Variants in PYHIN1 observed in about 807,000 individuals in gnomAD.
PYHIN1 encodes the protein pyrin and HIN domain-containing protein 1.
A neutral mutation model predicts 43.7 loss-of-function variants in PYHIN1; 32 were observed. The ratio of observed to expected loss-of-function variants is 0.73; its 90% CI spans 0.55 to 0.98. PYHIN1 has a LOEUF of 0.98. PYHIN1 is among the 50% of genes least tolerant of loss of function. The probability of loss-of-function intolerance (pLI) is 0.00; values close to 1 mark genes in which losing one functional copy is unlikely to be tolerated. For synonymous variants in PYHIN1, 205 were observed against 203.1 expected (o/e 1.01, Z -0.08); for missense variants, 588 against 589.5 (o/e 1.00, Z 0.03).
the PYHIN1 span, among the ~76,000 whole-genome samples, chr1:158,984,514 T>C: frequency 6.6e-6 from 1 of 152,180 alleles, no homozygotes; most frequent in African/African-American, 2.4e-5. Flanking sequence ...GAGAGTGTGG[T>C]TGATATAATT....
chr1:158,982,213 G>A, the PYHIN1 span, among the ~76,000 whole-genome samples: 1 of 152,074 alleles, frequency 6.6e-6, no homozygotes, highest in Admixed American at 6.6e-5. Context: ...TCTTTGCCAA[G>A]GCTAATGTCC....
the PYHIN1 span, among the ~76,000 whole-genome samples, chr1:158,984,794 T>C: frequency 6.6e-6 from 1 of 152,206 alleles, no homozygotes; most frequent in Non-Finnish European, 1.5e-5. Flanking sequence ...GTTCTCTTCA[T>C]AGGTCTCTAA....
intron 4 of PYHIN1, among the ~76,000 whole-genome samples, chr1:158,941,499 T>C (rs912566262): frequency 2.6e-5 from 4 of 152,188 alleles, no homozygotes; most frequent in Non-Finnish European, 4.4e-5. Flanking sequence ...GTATGAGTTG[T>C]ATGCTAAAAA....
chr1:158,935,704 C>A (rs560319466), intron 1 of PYHIN1, among the ~76,000 whole-genome samples: 6 of 152,200 alleles, frequency 3.9e-5, no homozygotes, highest in Admixed American at 3.9e-4. Flanking sequence ...GAAAGTTATT[C>A]ATATAAGGTG....
intron 7 of PYHIN1, among the ~76,000 whole-genome samples, chr1:158,972,477 T>G (rs1261203225): frequency 6.6e-6 from 1 of 151,990 alleles, no homozygotes; most frequent in African/African-American, 2.4e-5. Context: ...ATAAAATCAT[T>G]CCTGACCTAA....
chr1:158,970,538 T>G (rs996878851), intron 7 of PYHIN1, among the ~76,000 whole-genome samples: 1 of 152,030 alleles, frequency 6.6e-6, no homozygotes, highest in Non-Finnish European at 1.5e-5. Context: ...TAATATCTGA[T>G]CTTATCAGTT....
At chr1:158,962,801 G>A (rs1208910193) in intron 7 of PYHIN1, among the ~76,000 whole-genome samples, 2 of 152,106 alleles carry the variant, frequency 1.3e-5, no homozygotes, top group African/African-American at 2.4e-5. Flanking sequence ...CAAAACAGCT[G>A]CCCCACCCAT....
intron 4 of PYHIN1, 23 bp downstream of exon 4, chr1:158,939,270 T>C (rs1156725402): frequency 6.3e-7 from 1 of 1,584,240 alleles, no homozygotes; most frequent in South Asian, 1.1e-5. Context: ...TGGTCCCCTT[T>C]TGATTCATTT....
intron 8 of PYHIN1, among the ~76,000 whole-genome samples, chr1:158,974,735 C>T (rs993661967): frequency 2.6e-5 from 4 of 151,828 alleles, no homozygotes; most frequent in African/African-American, 7.3e-5. Context: ...TTGATAAGCC[C>T]GAGAATCACA....
chr1:158,952,028 C>T (rs856089), intron 7 of PYHIN1, among the ~76,000 whole-genome samples: 47,218 of 151,452 alleles, frequency 0.31, 7,697 homozygotes, highest in South Asian at 0.42. Context: ...GGTCCGCCTG[C>T]GGAGCTGGAG....
chr1:158,975,293 CA>C (rs1651191576), intron 8 of PYHIN1, among the ~76,000 whole-genome samples: 1 of 151,978 alleles, frequency 6.6e-6, no homozygotes, highest in African/African-American at 2.4e-5. Context: ...GATTTAAAGT[CA>C]AAAGCAGACC....
chr1:158,957,100 A>G (rs1366062379), intron 7 of PYHIN1, among the ~76,000 whole-genome samples: 49 of 145,794 alleles, frequency 3.4e-4, no homozygotes, highest in Non-Finnish European at 1.8e-4. Context: ...CAAGGAAATA[A>G]AAGAGGATAC....
chr1:158,970,784 C>A (rs1408834194), intron 7 of PYHIN1, among the ~76,000 whole-genome samples: 2 of 151,884 alleles, frequency 1.3e-5, no homozygotes, highest in East Asian at 1.9e-4. Flanking sequence ...TCTTATTGAG[C>A]ATTTACTGGA....
chr1:158,980,848 A>T (rs1651461447), downstream of PYHIN1, among the ~76,000 whole-genome samples: 1 of 152,060 alleles, frequency 6.6e-6, no homozygotes. Context: ...CCTTTAAAGC[A>T]TGTTATCTTT....
At chr1:158,939,838 A>G (rs1648803867) in intron 4 of PYHIN1, 1 of 324,770 alleles carries the variant, frequency 3.1e-6, no homozygotes, top group Non-Finnish European at 5.7e-6. Context: ...AGTAGTTCCA[A>G]GATTAGGGCT....
chr1:158,954,994 A>G lies in PYHIN1; in HGVS notation c.1359+9952A>G, dbSNP rs1484247272. ...AGACTTTAAACAAACAAAGATCAAA[A>G]GAGACAAAGAAGGCCATTACATAAT... On this transcript the variant is annotated intron_variant, in intron 7 of 8. Transcript: ENST00000368140. 2.6e-5 allele frequency among the ~76,000 whole-genome samples: 4 copies of G among 152,068 alleles called. No homozygotes were observed. In the East Asian group the frequency reaches 7.7e-4, roughly 29 times the overall value.
downstream of PYHIN1, among the ~76,000 whole-genome samples, chr1:158,980,564 A>T (rs1651451536): frequency 1.3e-5 from 2 of 151,984 alleles, no homozygotes; most frequent in South Asian, 4.1e-4. Flanking sequence ...GGAATGTCTG[A>T]CTTGTGCAGT....
Position 158,942,099 on chromosome 1 carries a change from G to T in PYHIN1, c.702G>T (p.Glu234Asp). 1.9e-6 allele frequency: 3 copies of T among 1,614,110 alleles called. No homozygotes were observed. The highest frequency in any genetic ancestry group is 2.5e-6 in the Non-Finnish European group (3 of 1,179,988). ...TTAAATATGAATCCTCAGAAAATGA[G>T]CAAAGAAGAATGTTTCATGCTACAG... The part of the protein sequence containing the change: ...KVFKYESSEN[E>D]QRRMFHATVA... The change falls in exon 5 of 9, where the codon GAG becomes GAT. Residue 234 changes from glutamate to aspartate, a missense_variant. Physicochemically the swap from Glu to Asp is conservative, Grantham distance 45. Coordinates refer to ENST00000368140, the MANE Select transcript of PYHIN1 (RefSeq NM_152501.5).
Position 158,937,154 on chromosome 1 carries a change from C to T in PYHIN1, c.244C>T (p.Leu82Phe). 1 of 1,592,532 alleles carries T rather than the reference C, an allele frequency of 6.3e-7. No individual in the cohort carries two copies. Among genetic ancestry groups the T allele is most frequent in the Non-Finnish European group, 8.5e-7 (1 of 1,171,660 alleles). Reference protein sequence around the residue: ...IPTLGDLAETLKREKLKVANK... With the variant: ...IPTLGDLAETFKREKLKVANK... Reference sequence around the variant, plus strand: ...AACACTGGGAGACCTTGCTGAAACTCTTAAAAGAGAAAAGTTAAAAGGTAA... The same window carrying T: ...AACACTGGGAGACCTTGCTGAAACTTTTAAAAGAGAAAAGTTAAAAGGTAA... Residue 82 changes from leucine (L) to phenylalanine (F), a missense_variant, in exon 2 of 9, where the codon CTT becomes TTT. Leu to Phe is a conservative substitution (Grantham distance 22). Coordinates refer to ENST00000368140, the MANE Select transcript of PYHIN1 (RefSeq NM_152501.5).
Sources: allele counts gnomAD v4.1 joint callset (sites outside exome capture counted in the v4.1 genomes callset), GRCh38; gene constraint gnomAD v4.1.1; transcripts MANE v1.5; gene names NCBI Gene and HGNC (gene_info 2026-07-23, HGNC 2026-07-21).